The following PAPPA variants were observed in gnomAD, a reference collection of about 807,000 sequenced individuals.
PAPPA encodes pappalysin-1.
In PAPPA, 60 loss-of-function variants were observed where a neutral mutation model predicts 164.0. The ratio of observed to expected loss-of-function variants is 0.37; its 90% CI spans 0.30 to 0.45. PAPPA has a LOEUF of 0.45. Ranked by LOEUF, PAPPA falls within the 20% of genes least tolerant of loss-of-function variation. The probability of loss-of-function intolerance (pLI) is 1.00; values close to 1 mark genes in which losing one functional copy is unlikely to be tolerated. For missense variants in PAPPA, 1,782 were observed against 2,087.3 expected (o/e 0.85, Z 2.85); for synonymous variants, 875 against 814.1 (o/e 1.07, Z -1.27).
At chr9:116,371,419 A>G (rs1448947095) in intron 19 of PAPPA, among the ~76,000 whole-genome samples, 1 of 152,200 alleles carries the variant, frequency 6.6e-6, no homozygotes, top group Non-Finnish European at 1.5e-5. Context: ...TCTGTCTCGA[A>G]TAATAATAAT....
Position 116,222,426 on chromosome 9 carries a change from C to G in PAPPA, c.2111+2297C>G, listed in dbSNP as rs140943961. The stretch of plus-strand genomic sequence containing the variant: ...GTGCATTTTCAACTTACCGTATTTT[C>G]AACTTAAGATAGGTTTATTGGGTGA... On this transcript the variant is annotated intron_variant, in intron 5 of 21. Transcript: ENST00000328252. Among the ~76,000 whole-genome samples, 3 of 152,148 alleles carry G rather than the reference C, an allele frequency of 2.0e-5. No homozygotes were observed. In the East Asian group the frequency reaches 5.8e-4, roughly 29 times the overall value.
chr9:116,302,860 C>T lies in PAPPA; in HGVS notation c.3057C>T (p.Phe1019=), dbSNP rs775538278. 6 of 1,613,952 alleles carry T rather than the reference C, an allele frequency of 3.7e-6. No individual in the cohort carries two copies. Among genetic ancestry groups the T allele is most frequent in the Non-Finnish European group, 5.1e-6 (6 of 1,179,966 alleles). ...GTGGTGTCTACACGCCCCAGGGATT[C>T]CTGGATCAGTGGGCATCCAATGCTT... ...KDCGVYTPQG[F]LDQWASNASV... Residue 1019 remains phenylalanine, a synonymous_variant, in exon 10 of 22, where the codon TTC becomes TTT. Coordinates refer to ENST00000328252, the MANE Select transcript of PAPPA (RefSeq NM_002581.5).
chr9:116,285,142 CTTTCTT>C (rs753008319), intron 9 of PAPPA, among the ~76,000 whole-genome samples: 26 of 131,262 alleles, frequency 2.0e-4, no homozygotes, highest in African/African-American at 6.2e-4. Context: ...TTTCTTTTTT[CTTTCTT>C]TTTCTTTTTC....
chr9:116,269,279 G>A (rs542330686), intron 8 of PAPPA, among the ~76,000 whole-genome samples: 2 of 152,254 alleles, frequency 1.3e-5, no homozygotes, highest in African/African-American at 4.8e-5. Context: ...CATCTGGTAA[G>A]ATGTAGAACC....
chr9:116,295,103 T>C (rs933150110), intron 9 of PAPPA, among the ~76,000 whole-genome samples: 3 of 152,176 alleles, frequency 2.0e-5, no homozygotes, highest in African/African-American at 7.2e-5. Flanking sequence ...TTTTGGCTCA[T>C]CAATGGGCTG....
At chr9:116,216,585 G>C (rs1021287097) in intron 4 of PAPPA, among the ~76,000 whole-genome samples, 2 of 152,232 alleles carry the variant, frequency 1.3e-5, no homozygotes, top group Admixed American at 1.3e-4. Flanking sequence ...GGGAGGCACT[G>C]GGGGGAAAGA....
intron 4 of PAPPA, among the ~76,000 whole-genome samples, chr9:116,214,533 G>A (rs1252127735): frequency 1.3e-5 from 2 of 152,112 alleles, no homozygotes. Context: ...TCTGGTTGTG[G>A]GGAAGGTTGA....
chr9:116,376,183 G>C (rs1374952110), intron 19 of PAPPA, among the ~76,000 whole-genome samples: 2 of 151,974 alleles, frequency 1.3e-5, no homozygotes, highest in African/African-American at 2.4e-5. Flanking sequence ...ACCACACCCA[G>C]CTAATTTTTG....
At chr9:116,309,282 G>A (rs1211329177) in intron 10 of PAPPA, among the ~76,000 whole-genome samples, 2 of 151,984 alleles carry the variant, frequency 1.3e-5, no homozygotes, top group Non-Finnish European at 2.9e-5. Flanking sequence ...CACCATGTTG[G>A]TCAGGCTGGT....
At chr9:116,385,894 C>T (rs1846804678) in intron 21 of PAPPA, among the ~76,000 whole-genome samples, 1 of 152,126 alleles carries the variant, frequency 6.6e-6, no homozygotes, top group Non-Finnish European at 1.5e-5. Flanking sequence ...AAGCAGGGAG[C>T]CACACAACTA....
Position 116,331,373 on chromosome 9 carries a change from G to A in PAPPA, c.3261+16G>A, listed in dbSNP as rs1452428538. 1 of 1,440,932 alleles carries A rather than the reference G, an allele frequency of 6.9e-7. No individual in the cohort carries two copies. The highest frequency in any genetic ancestry group is 9.8e-7 in the Non-Finnish European group (1 of 1,021,990). The allele number at this position is 1,440,932 out of a possible 1,614,324, so 89.3% of individuals were successfully genotyped here. On this transcript the variant is annotated intron_variant, in intron 11 of 21. Coordinates refer to ENST00000328252, the MANE Select transcript of PAPPA (RefSeq NM_002581.5). ...TTGGCTCCGGGTAAGCTGAAGCTCT[G>A]AGAGCTTTGGAATCTCCAGCAGCGA... is the stretch of plus-strand genomic sequence containing the variant.
At chr9:116,315,605 G>T (rs1845778478) in intron 10 of PAPPA, among the ~76,000 whole-genome samples, 1 of 152,176 alleles carries the variant, frequency 6.6e-6, no homozygotes, top group South Asian at 2.1e-4. Flanking sequence ...ATTTTCCTGT[G>T]ATTGGCTTCC....
At chr9:116,361,735 G>A (rs1846429319) in intron 17 of PAPPA, among the ~76,000 whole-genome samples, 1 of 152,158 alleles carries the variant, frequency 6.6e-6, no homozygotes, top group African/African-American at 2.4e-5. Context: ...TGGATCACAT[G>A]ACTGCCATTC....
At chr9:116,358,942 A>AGTAT (rs1290731310) in intron 17 of PAPPA, among the ~76,000 whole-genome samples, 1 of 152,222 alleles carries the variant, frequency 6.6e-6, no homozygotes, top group Non-Finnish European at 1.5e-5. Context: ...TACAGAGCTC[A>AGTAT]GTATGTGTTA....
intron 9 of PAPPA, among the ~76,000 whole-genome samples, chr9:116,275,810 AG>A (rs1275631646): frequency 6.6e-6 from 1 of 152,134 alleles, no homozygotes; most frequent in Non-Finnish European, 1.5e-5. Context: ...GGTGGGTGAC[AG>A]ATTTATGGTG....
At chr9:116,384,805 T>C (rs1846784559) in intron 21 of PAPPA, among the ~76,000 whole-genome samples, 1 of 152,176 alleles carries the variant, frequency 6.6e-6, no homozygotes, top group Non-Finnish European at 1.5e-5. Flanking sequence ...CAGCCACCTT[T>C]GAACGTGAAT....
intron 10 of PAPPA, among the ~76,000 whole-genome samples, chr9:116,312,089 TG>T (rs1845725183): frequency 6.6e-6 from 1 of 152,150 alleles, no homozygotes; most frequent in Admixed American, 6.5e-5. Context: ...ACCCCTTCCA[TG>T]GCCCATCTAG....
chr9:116,308,531 T>C (rs1229683562), intron 10 of PAPPA, among the ~76,000 whole-genome samples: 1 of 152,204 alleles, frequency 6.6e-6, no homozygotes, highest in Non-Finnish European at 1.5e-5. Context: ...GCTTCAGGGC[T>C]CATCTCTATA....
chr9:116,258,342 C>T lies in PAPPA; in HGVS notation c.2733-7515C>T, dbSNP rs115112092. ...TGTGGAAATCGCTATAGACTGCTAC[C>T]GATAAAACAGTAGATAAAAAATAGA... is the stretch of plus-strand genomic sequence containing the variant. On this transcript the variant is annotated intron_variant, in intron 7 of 21. Coordinates refer to ENST00000328252, the MANE Select transcript of PAPPA (RefSeq NM_002581.5). 3.1e-3 allele frequency among the ~76,000 whole-genome samples: 474 copies of T among 152,048 alleles called. 1 individual carries two copies. Among genetic ancestry groups the T allele is most frequent in the African/African-American group, 0.011 (441 of 41,528 alleles).
Sources: allele counts gnomAD v4.1 joint callset (sites outside exome capture counted in the v4.1 genomes callset), GRCh38; gene constraint gnomAD v4.1.1; transcripts MANE v1.5; gene names NCBI Gene and HGNC (gene_info 2026-07-23, HGNC 2026-07-21).